ARMCX2: variants seen among roughly 807,000 people sequenced by gnomAD.
ARMCX2 encodes armadillo repeat-containing X-linked protein 2.
A neutral mutation model predicts 17.0 loss-of-function variants in ARMCX2; 2 were observed. The ratio of observed to expected loss-of-function variants is 0.12; its 90% CI spans 0.05 to 0.37. The LOEUF (loss-of-function observed/expected upper bound fraction) is 0.37. ARMCX2 is among the 10% of genes least tolerant of loss of function. ARMCX2 has a pLI of 1.00. For synonymous variants in ARMCX2, 182 were observed against 195.2 expected (o/e 0.93, Z 0.57); for missense variants, 408 against 497.7 (o/e 0.82, Z 1.72).
chrX:101,657,164 G>A lies in ARMCX2; in HGVS notation c.425C>T (p.Pro142Leu), dbSNP rs782006876. The change falls in exon 6 of 6, where the codon CCT becomes CTT. Residue 142 changes from proline (P) to leucine (L), a missense_variant. Around this residue, in one of 2 missense-constraint regions of ARMCX2, gnomAD observed 307 missense variants for 326.8 expected, o/e 0.94. Coordinates refer to ENST00000356824, the MANE Select transcript of ARMCX2 (RefSeq NM_177949.4). ...CCCAAGGGCCTCTGTCACCCCGGGA[G>A]GTGGTGCTATTGCAGAAGCCATTGC... is the stretch of plus-strand genomic sequence containing the variant. ...GAAMASAIAPPPGVTEALGAA... is the reference protein window; with the variant it reads ...GAAMASAIAPLPGVTEALGAA... 2 of 1,187,200 alleles carry A rather than the reference G, an allele frequency of 1.7e-6. No individual in the cohort carries two copies. The highest frequency in any genetic ancestry group is 1.8e-5 in the African/African-American group (1 of 56,652).
chrX:101,656,727 T>C lies in ARMCX2; in HGVS notation c.862A>G (p.Arg288Gly), dbSNP rs781923308. 2.5e-6 allele frequency: 3 copies of C among 1,209,217 alleles called. No individual in the cohort carries two copies. The African/African-American group carries it at 5.3e-5, about 21-fold the overall frequency. ...TTGCCCTTGCCCCCATTCCGGGACC[T>C]GGTTACACCCTTGCCTCCACCTTTG... is the stretch of plus-strand genomic sequence containing the variant. Reference protein sequence around the residue: ...VPKGGGKGVTRSRNGGKGKGK... With the variant: ...VPKGGGKGVTGSRNGGKGKGK... The change falls in exon 6 of 6, where the codon AGG becomes GGG. Residue 288 changes from arginine to glycine, a missense_variant. Transcript: ENST00000356824.
Position 101,656,391 on chromosome X carries a change from C to A in ARMCX2, c.1198G>T (p.Asp400Tyr). 8.3e-7 allele frequency: 1 copy of A among 1,211,131 alleles called. No individual in the cohort carries two copies. The highest frequency in any genetic ancestry group is 3.0e-5 in the East Asian group (1 of 33,789). The part of the protein sequence containing the change: ...KVLALLQKSD[D>Y]PFIQQVALLT... ...AAAGCTACCTGTTGGATGAAAGGAT[C>A]ATCAGATTTCTGAAGCAAGGCAAGG... Residue 400 changes from aspartate (D) to tyrosine (Y), a missense_variant, in exon 6 of 6, where the codon GAT becomes TAT. Asp to Tyr is a radical substitution (Grantham distance 160). Transcript: ENST00000356824.
intron 4 of ARMCX2, 150 bp from the exon 5 acceptor site, chrX:101,658,292 G>A (rs1166687296): frequency 1.8e-5 from 2 of 111,588 alleles, no homozygotes; most frequent in Non-Finnish European, 3.8e-5. Context: ...ATTAACTAAG[G>A]CAGATGCCAC....
At position 101,656,430 on chromosome X, in the gene ARMCX2, C is replaced by A; in HGVS notation, c.1159G>T (p.Asp387Tyr). 8.3e-7 allele frequency: 1 copy of A among 1,210,827 alleles called. No individual in the cohort carries two copies. The change falls in exon 6 of 6, where the codon GAT becomes TAT. Residue 387 changes from aspartate to tyrosine, a missense_variant. By Grantham distance (160) the Asp-to-Tyr change is radical (BLOSUM62 -3). Around this residue, in one of 2 missense-constraint regions of ARMCX2, gnomAD observed 307 missense variants for 326.8 expected, o/e 0.94. Transcript: ENST00000356824. The stretch of plus-strand genomic sequence containing the variant: ...AGCAAGGCAAGGACCTTCCTGAGAT[C>A]GCGGACACCCAGAATCTCATCAATT... Reference protein sequence around the residue: ...YEIDEILGVRDLRKVLALLQK... With the variant: ...YEIDEILGVRYLRKVLALLQK...
rs376955849 is a variant in ARMCX2 at position 101,656,299 on chromosome X, G to T, written c.1290C>A (p.Leu430=). The change falls in exon 6 of 6, where the codon CTC becomes CTA. Residue 430 remains leucine (L), a synonymous_variant. Coordinates refer to ENST00000356824, the MANE Select transcript of ARMCX2 (RefSeq NM_177949.4). ...NQETIRKLGG[L]PIIANMINKT... ...TGTTGATCATGTTTGCAATAATTGG[G>T]AGGCCTCCCAATTTGCGGATTGTCT... The T allele has an allele frequency of 1.1e-5, 13 of 1,207,966 alleles. No homozygotes were observed. The African/African-American group carries it at 1.2e-4, about 11-fold the overall frequency.
Position 101,656,629 on chromosome X carries a change from A to G in ARMCX2, c.960T>C (p.Ala320=). The G allele has an allele frequency of 1.7e-6, 2 of 1,210,620 alleles. No individual in the cohort carries two copies. The highest frequency in any genetic ancestry group is 2.2e-6 in the Non-Finnish European group (2 of 895,191). ...GTCCGCCATTAGCAGAGGCTGCAGC[A>G]GCTGCTGCAGCCCCATCTCCAGGAC... The part of the protein sequence containing the change: ...GFRPGDGAAA[A]AAASANGGQA... The change falls in exon 6 of 6, where the codon GCT becomes GCC. Residue 320 remains alanine, a synonymous_variant. Transcript: ENST00000356824.
In ARMCX2 at chrX:101,656,510, C is replaced by A; in HGVS notation, c.1079G>T (p.Arg360Leu). 1.7e-6 allele frequency: 2 copies of A among 1,210,425 alleles called. No homozygotes were observed. Among genetic ancestry groups the A allele is most frequent in the Non-Finnish European group, 2.2e-6 (2 of 895,181 alleles). Reference sequence around the variant, plus strand: ...AACGGGTCTTCTTCCCCTCCCTCTGCGCTGGGTCTCGGGCTCAGAGTCTGA... The same window carrying A: ...AACGGGTCTTCTTCCCCTCCCTCTGAGCTGGGTCTCGGGCTCAGAGTCTGA... ...SDSDSEPETQRRGRGRRPVAM... is the reference protein window; with the variant it reads ...SDSDSEPETQLRGRGRRPVAM... Residue 360 changes from arginine to leucine, a missense_variant, in exon 6 of 6, where the codon CGC (arginine) becomes CTC (leucine). Coordinates refer to ENST00000356824, the MANE Select transcript of ARMCX2 (RefSeq NM_177949.4).
Position 101,656,156 on chromosome X carries a change from G to C in ARMCX2, c.1433C>G (p.Ala478Gly), listed in dbSNP as rs782518728. The change falls in exon 6 of 6, where the codon GCC (alanine) becomes GGC (glycine). Residue 478 changes from alanine (A) to glycine (G), a missense_variant. Physicochemically the swap from Ala to Gly is moderately conservative, Grantham distance 60. Around this residue, in one of 2 missense-constraint regions of ARMCX2, gnomAD observed 101 missense variants for 170.9 expected, o/e 0.59. Coordinates refer to ENST00000356824, the MANE Select transcript of ARMCX2 (RefSeq NM_177949.4). ...TTGAACTGCTGAGTTCAGGTTAGAG[G>C]CCATGATATCATCCATCACTTTATT... Reference protein sequence around the residue: ...YMNKVMDDIMASNLNSAVQVV... With the variant: ...YMNKVMDDIMGSNLNSAVQVV... 5.8e-6 allele frequency: 7 copies of C among 1,209,930 alleles called. No homozygotes were observed. In the South Asian group the frequency reaches 1.2e-4, roughly 21 times the overall value.
In ARMCX2 at chrX:101,657,028, C is replaced by T. The variant is rs369761184; in HGVS notation, c.561G>A (p.Ala187=). Residue 187 remains alanine (A), a synonymous_variant, in exon 6 of 6, where the codon GCG becomes GCA. Coordinates refer to ENST00000356824, the MANE Select transcript of ARMCX2 (RefSeq NM_177949.4). The part of the protein sequence containing the change: ...VPPGTVVPTE[A]AAPTEVTEGP... The stretch of plus-strand genomic sequence containing the variant: ...CCTCGGTCACCTCAGTGGGTGCTGC[C>T]GCTTCGGTAGGCACCACTGTCCCAG... 14 of 1,208,575 alleles carry T rather than the reference C, an allele frequency of 1.2e-5. No homozygotes were observed. Among genetic ancestry groups the T allele is most frequent in the African/African-American group, 3.5e-5 (2 of 57,125 alleles).
Position 101,655,920 on chromosome X carries a change from G to A in ARMCX2, c.1669C>T (p.Leu557Phe), listed in dbSNP as rs781968607. Residue 557 changes from leucine to phenylalanine, a missense_variant, in exon 6 of 6, where the codon CTC (leucine) becomes TTC (phenylalanine). Around this residue, in one of 2 missense-constraint regions of ARMCX2, gnomAD observed 101 missense variants for 170.9 expected, o/e 0.59. Transcript: ENST00000356824. ...TCTGATTCCACGTAAGAATTATAGA[G>A]GGAACTAAATGATGCTGGCACTTGG... ...STQVPASFSS[L>F]YNSYVESEIL... is the part of the protein sequence containing the mutation. 2 of 1,210,381 alleles carry A rather than the reference G, an allele frequency of 1.7e-6. No individual in the cohort carries two copies. The highest frequency in any genetic ancestry group is 1.7e-5 in the African/African-American group (1 of 57,852).
Position 101,655,850 on chromosome X carries a change from T to C in ARMCX2, c.1739A>G (p.Asn580Ser), listed in dbSNP as rs201149044. The change falls in exon 6 of 6, where the codon AAT (asparagine) becomes AGT (serine). Residue 580 changes from asparagine to serine, a missense_variant. Transcript: ENST00000356824. ...ALTLFEIIYD[N>S]LRAEVFNYRE... ...ATAGTTAAACACTTCTGCTCTGAGA[T>C]TGTCATAGATAATCTCAAATAGAGT... The C allele has an allele frequency of 4.1e-4, 496 of 1,206,438 alleles. No individual in the cohort carries two copies. The highest frequency in any genetic ancestry group is 1.7e-3 in the South Asian group (96 of 56,013).
Position 101,655,797 on chromosome X carries a change from A to T in ARMCX2, c.1792T>A (p.Tyr598Asn). 2 of 1,201,779 alleles carry T rather than the reference A, an allele frequency of 1.7e-6. No homozygotes were observed. Among genetic ancestry groups the T allele is most frequent in the Non-Finnish European group, 2.2e-6 (2 of 890,530 alleles). The change falls in exon 6 of 6, where the codon TAC (tyrosine) becomes AAC (asparagine). Residue 598 changes from tyrosine (Y) to asparagine (N), a missense_variant. Transcript: ENST00000356824. ...CACACTCCAGATGTAGTGCATAAGT[A>T]AAAAAGGGAACCTTTATTGAATTCT... ...YREFNKGSLF[Y>N]LCTTSGVCVK... is the part of the protein sequence containing the mutation.
In ARMCX2 at chrX:101,658,161, G is replaced by A. The variant is rs782445704; in HGVS notation, c.-197-19C>T. On this transcript the variant is annotated intron_variant, in intron 4 of 5. Coordinates refer to ENST00000356824, the MANE Select transcript of ARMCX2 (RefSeq NM_177949.4). ...GACAGACCTGAGGACAGATCAGAAA[G>A]GGCGTTTTTGAGCCATTGGTGGACG... 2.3e-3 allele frequency: 258 copies of A among 112,178 alleles called. No homozygotes were observed. The highest frequency in any genetic ancestry group is 3.9e-3 in the Non-Finnish European group (206 of 53,287). The allele number at this position is 112,178 out of a possible 1,213,427, so 9.2% of individuals were successfully genotyped here.
In ARMCX2 at chrX:101,655,814, T is replaced by C; in HGVS notation, c.1775A>G (p.Asn592Ser). 1.7e-6 allele frequency: 2 copies of C among 1,204,183 alleles called. No individual in the cohort carries two copies. The highest frequency in any genetic ancestry group is 2.2e-6 in the Non-Finnish European group (2 of 891,650). ...GCATAAGTAAAAAAGGGAACCTTTATTGAATTCTCTATAGTTAAACACTTC... is the reference window on the plus strand; with the variant it reads ...GCATAAGTAAAAAAGGGAACCTTTACTGAATTCTCTATAGTTAAACACTTC... ...RAEVFNYREF[N>S]KGSLFYLCTT... The change falls in exon 6 of 6, where the codon AAT becomes AGT. Residue 592 changes from asparagine (N) to serine (S), a missense_variant. By Grantham distance (46) the Asn-to-Ser change is conservative. Coordinates refer to ENST00000356824, the MANE Select transcript of ARMCX2 (RefSeq NM_177949.4).
At position 101,659,135 on chromosome X, in the gene ARMCX2, G is replaced by A. The variant is rs1441967518; in HGVS notation, c.-322C>T. The A allele has an allele frequency of 1.8e-5, 2 of 111,102 alleles. No homozygotes were observed. The highest frequency in any genetic ancestry group is 6.6e-5 in the African/African-American group (2 of 30,402). The allele number at this position is 111,102 out of a possible 1,213,427, so 9.2% of individuals were successfully genotyped here. On this transcript the variant is annotated 5_prime_UTR_variant, in exon 3 of 6. Coordinates refer to ENST00000356824, the MANE Select transcript of ARMCX2 (RefSeq NM_177949.4). ...GTGAACGGCTGTGTGGGCCGGAGGT[G>A]TCTGGAAAGCAGTCTGCGAGTTAAC...
In ARMCX2 at chrX:101,657,659, G is replaced by C. The variant is rs1936373213; in HGVS notation, c.-71C>G. On this transcript the variant is annotated 5_prime_UTR_variant, in exon 6 of 6. Transcript: ENST00000356824. ...GCTTAAGGTTAAGGGATGCCTGCTC[G>C]TCCGGGTGAGGCTCTTCAGTTTAGG... The C allele has an allele frequency of 9.7e-7, 1 of 1,028,980 alleles. No individual in the cohort carries two copies. 84.8% of individuals were successfully genotyped at this position (1,028,980 alleles called of 1,213,427 possible).
Position 101,655,714 on chromosome X carries a change from AACTTTC to A in ARMCX2, c.1869_1874del (p.Lys624_Val625del). 1 of 1,144,131 alleles carries A rather than the reference AACTTTC, an allele frequency of 8.7e-7. No homozygotes were observed. The highest frequency in any genetic ancestry group is 1.2e-6 in the Non-Finnish European group (1 of 864,870). 94.3% of individuals were successfully genotyped at this position (1,144,131 alleles called of 1,213,427 possible). ...ATCAGAATTTGTTCACTAGTTTTAT[AACTTTC>A]ACTTTCACTAAGAGGTCATGGTGAT... On this transcript the variant is annotated inframe_deletion, in exon 6 of 6. Transcript: ENST00000356824.
Position 101,656,438 on chromosome X carries a change from C to T in ARMCX2, c.1151G>A (p.Gly384Asp). The part of the protein sequence containing the change: ...PFPYEIDEIL[G>D]VRDLRKVLAL... Reference sequence around the variant, plus strand: ...AAGGACCTTCCTGAGATCGCGGACACCCAGAATCTCATCAATTTCATAAGG... The same window carrying T: ...AAGGACCTTCCTGAGATCGCGGACATCCAGAATCTCATCAATTTCATAAGG... The change falls in exon 6 of 6, where the codon GGT (glycine) becomes GAT (aspartate). Residue 384 changes from glycine (G) to aspartate (D), a missense_variant. Around this residue, in one of 2 missense-constraint regions of ARMCX2, gnomAD observed 307 missense variants for 326.8 expected, o/e 0.94. Coordinates refer to ENST00000356824, the MANE Select transcript of ARMCX2 (RefSeq NM_177949.4). 1 of 1,211,029 alleles carries T rather than the reference C, an allele frequency of 8.3e-7. No individual in the cohort carries two copies. Among genetic ancestry groups the T allele is most frequent in the Non-Finnish European group, 1.1e-6 (1 of 895,364 alleles).
rs1936312005 is a variant in ARMCX2 at position 101,657,015 on chromosome X, C to G, written c.574G>C (p.Glu192Gln). ...GCTACCCCAGGACCCTCGGTCACCT[C>G]AGTGGGTGCTGCCGCTTCGGTAGGC... ...VVPTEAAAPTEVTEGPGVAAP... is the reference protein window; with the variant it reads ...VVPTEAAAPTQVTEGPGVAAP... The change falls in exon 6 of 6, where the codon GAG (glutamate) becomes CAG (glutamine). Residue 192 changes from glutamate to glutamine, a missense_variant. Transcript: ENST00000356824. 3 of 1,211,161 alleles carry G rather than the reference C, an allele frequency of 2.5e-6. No individual in the cohort carries two copies. The highest frequency in any genetic ancestry group is 3.4e-6 in the Non-Finnish European group (3 of 895,089).
Sources: allele counts gnomAD v4.1 joint callset, GRCh38; gene constraint gnomAD v4.1.1; regional missense constraint gnomAD v4.1.1; transcripts MANE v1.5; gene names NCBI Gene and HGNC (gene_info 2026-07-23, HGNC 2026-07-21).